Variants in BICDL2 observed in about 807,000 individuals in gnomAD.
The protein encoded by BICDL2 is BICD family like cargo adaptor 2.
In BICDL2, 62 loss-of-function variants were observed where a neutral mutation model predicts 56.6. The observed-to-expected ratio is 1.10, with a 90% CI of 0.89 to 1.35. The LOEUF (loss-of-function observed/expected upper bound fraction) is 1.35, where lower values mean the gene tolerates loss of function less well. Ranked by LOEUF, BICDL2 falls within the 40% of genes most tolerant of loss-of-function variation. The probability of loss-of-function intolerance (pLI) is 0.00; values close to 1 mark genes in which losing one functional copy is unlikely to be tolerated. For missense variants in BICDL2, 808 were observed against 684.5 expected, an observed-to-expected ratio of 1.18 and a Z score of -2.01; for synonymous variants, 358 against 319.8, an observed-to-expected ratio of 1.12 and a Z score of -1.27.
intron 2 of BICDL2, chr16:3,031,644 C>T: frequency 2.5e-6 from 1 of 403,106 alleles, no homozygotes; most frequent in Non-Finnish European, 4.4e-6. Flanking sequence ...GGGGGAATGC[C>T]CTGGCACACC....
In BICDL2 at chr16:3,028,125, T is replaced by G; in HGVS notation, c.1508A>C (p.Asn503Thr). ...CAGCCGTCAGGTCCTTCGGAAGAGG[T>G]TACTGAGAAAGCCACCGGCGGGCCC... ...GPGPAGGFLSNLFRRT is the reference protein window; with the variant it reads ...GPGPAGGFLSTLFRRT Residue 503 changes from asparagine (N) to threonine (T), a missense_variant, in exon 10 of 10, where the codon AAC becomes ACC. Asn to Thr is a moderately conservative substitution (Grantham distance 65). Transcript: ENST00000572449. The G allele has an allele frequency of 7.0e-7, 1 of 1,438,754 alleles. No homozygotes were observed. Among genetic ancestry groups the G allele is most frequent in the Non-Finnish European group, 9.1e-7 (1 of 1,102,968 alleles). 89.1% of individuals were successfully genotyped at this position (1,438,754 alleles called of 1,614,324 possible).
Position 3,030,467 on chromosome 16 carries a change from C to A in BICDL2, c.744G>T (p.Arg248=). ...AGGTCACCTCCAGGCTGTGCTCCCG[C>A]CGCTCCCGCCTCAGCAGCAGCAACT... ...HEELLLLRRE[R]REHSLELERA... Residue 248 remains arginine (R), a synonymous_variant, in exon 5 of 10, where the codon CGG becomes CGT. Coordinates refer to ENST00000572449, the MANE Select transcript of BICDL2 (RefSeq NM_001369667.1). 6.2e-7 allele frequency: 1 copy of A among 1,602,240 alleles called. No individual in the cohort carries two copies. The highest frequency in any genetic ancestry group is 8.5e-7 in the Non-Finnish European group (1 of 1,179,092).
Position 3,030,924 on chromosome 16 carries a change from G to C in BICDL2, c.498+11C>G, listed in dbSNP as rs369482705. Reference sequence around the variant, plus strand: ...ACCTTGTCCAGGGCCCTGGGGTCAGGGCCATCCCACCTGAGCCAGCTGCTG... The same window carrying C: ...ACCTTGTCCAGGGCCCTGGGGTCAGCGCCATCCCACCTGAGCCAGCTGCTG... On this transcript the variant is annotated intron_variant, in intron 3 of 9. Coordinates refer to ENST00000572449, the MANE Select transcript of BICDL2 (RefSeq NM_001369667.1). 1.3e-5 allele frequency: 20 copies of C among 1,545,632 alleles called. No individual in the cohort carries two copies. Among genetic ancestry groups the C allele is most frequent in the Non-Finnish European group, 1.7e-5 (20 of 1,151,186 alleles).
intron 5 of BICDL2, 161 bp downstream of exon 5, chr16:3,030,288 C>T: frequency 1.1e-6 from 1 of 884,140 alleles, no homozygotes; most frequent in Non-Finnish European, 1.7e-6. Context: ...ACCTGCTCAA[C>T]AGCCTTCCGT....
Position 3,035,386 on chromosome 16 carries a change from G to T in BICDL2, c.111C>A (p.Phe37Leu). ...FPFVLERRDS[F>L]LGGGPGPEEP... ...CCTCAGGCCCTGGGCCCCCTCCCAG[G>T]AATGAGTCCCGCCGCTCCAGCACAA... is the stretch of plus-strand genomic sequence containing the variant. Residue 37 changes from phenylalanine to leucine, a missense_variant, in exon 2 of 10, where the codon TTC (phenylalanine) becomes TTA (leucine). Coordinates refer to ENST00000572449, the MANE Select transcript of BICDL2 (RefSeq NM_001369667.1). 1 of 1,609,524 alleles carries T rather than the reference G, an allele frequency of 6.2e-7. No individual in the cohort carries two copies.
chr16:3,028,648 C>T, intron 8 of BICDL2, 52 bp downstream of exon 8: 1 of 1,543,806 alleles, frequency 6.5e-7, no homozygotes, highest in African/African-American at 1.4e-5. Context: ...GAATCAGGAG[C>T]CCAGGAGGGC....
chr16:3,029,602 G>A lies in BICDL2; in HGVS notation c.900C>T (p.Ala300=), dbSNP rs989691674. The change falls in exon 6 of 10, where the codon GCC becomes GCT. Residue 300 remains alanine (A), a synonymous_variant. Transcript: ENST00000572449. The stretch of plus-strand genomic sequence containing the variant: ...CCTGGTCGCCGTCGTCGAGGCTGTG[G>A]GCCAGTTCTGACTGCAACGAGGCAG... ...VSAASLQSEL[A]HSLDDGDQGQ... 6.5e-7 allele frequency: 1 copy of A among 1,543,014 alleles called. No homozygotes were observed. The highest frequency in any genetic ancestry group is 8.7e-7 in the Non-Finnish European group (1 of 1,148,032).
intron 2 of BICDL2, 39 bp downstream of exon 2, chr16:3,035,176 T>TTGGCCCGGGGG: frequency 2.2e-5 from 3 of 136,272 alleles, no homozygotes; most frequent in Non-Finnish European, 4.1e-5. Flanking sequence ...CGTCCTCCCC[T>TTGGCCCGGGGG]GCCCACCCAC....
rs760332221 is a variant in BICDL2 at position 3,028,710 on chromosome 16, C to T, written c.1228G>A (p.Ala410Thr). The change falls in exon 8 of 10, where the codon GCC (alanine) becomes ACC (threonine). Residue 410 changes from alanine (A) to threonine (T), a missense_variant. Ala to Thr is a moderately conservative substitution (Grantham distance 58). Transcript: ENST00000572449. The part of the protein sequence containing the change: ...LHSALSDRDE[A>T]VNKALELSLQ... ...TGGCTTGAGGCTTACTTGTTCACGG[C>T]CTCGTCCCGGTCTGAGAGGGCACTG... The T allele has an allele frequency of 6.4e-7, 1 of 1,569,388 alleles. No individual in the cohort carries two copies. The highest frequency in any genetic ancestry group is 8.6e-7 in the Non-Finnish European group (1 of 1,157,420).
chr16:3,036,703 A>G, intron 1 of BICDL2, 191 bp downstream of exon 1: 1 of 438,268 alleles, frequency 2.3e-6, no homozygotes, highest in Non-Finnish European at 4.5e-6. Context: ...CTCCAGCCCC[A>G]GGCGTCGGAA....
intron 1 of BICDL2, chr16:3,036,119 C>T: frequency 5.2e-6 from 2 of 381,168 alleles, no homozygotes; most frequent in South Asian, 1.9e-5. Flanking sequence ...AGGTCCCCAC[C>T]TCCAATGTCC....
Position 3,029,691 on chromosome 16 carries a change from T to G in BICDL2, c.811A>C (p.Arg271=), listed in dbSNP as rs537975527. 35 of 1,540,992 alleles carry G rather than the reference T, an allele frequency of 2.3e-5. No homozygotes were observed. The Admixed American group carries it at 5.1e-4, about 22-fold the overall frequency. ...EAGEALSALR[R]LQRRVSELEE... ...AGCTCGGAGACGCGCCGCTGCAGCCTCCGCAGCGCACTCAGCGCCTCCCCA... is the reference window on the plus strand; with the variant it reads ...AGCTCGGAGACGCGCCGCTGCAGCCGCCGCAGCGCACTCAGCGCCTCCCCA... Residue 271 remains arginine (R), a synonymous_variant, in exon 6 of 10, where the codon AGG becomes CGG. Transcript: ENST00000572449.
chr16:3,036,460 G>A (rs1386418630), intron 1 of BICDL2: 1 of 456,310 alleles, frequency 2.2e-6, no homozygotes, highest in Non-Finnish European at 4.4e-6. Flanking sequence ...CCACCCACTA[G>A]GCACACACAC....
intron 1 of BICDL2, chr16:3,035,973 G>A: frequency 6.4e-6 from 2 of 313,122 alleles, no homozygotes; most frequent in Non-Finnish European, 1.2e-5. Context: ...TGGGAACTGA[G>A]GTATCTTCGC....
intron 2 of BICDL2, chr16:3,031,517 T>A (rs1955654861): frequency 2.2e-6 from 1 of 454,802 alleles, no homozygotes; most frequent in Non-Finnish European, 3.9e-6. Flanking sequence ...ACCTGCTGTG[T>A]CCCAGGGGCT....
chr16:3,036,773 C>G, intron 1 of BICDL2, 121 bp downstream of exon 1: 1 of 357,938 alleles, frequency 2.8e-6, no homozygotes, highest in South Asian at 2.0e-5. Context: ...GCCCCCGGTT[C>G]CCCGGCGATC....
intron 1 of BICDL2, 184 bp from the exon 2 acceptor site, chr16:3,035,710 G>A (rs1168743777): frequency 1.7e-6 from 1 of 588,780 alleles, no homozygotes; most frequent in African/African-American, 1.9e-5. Flanking sequence ...GGTAAACTGA[G>A]GCAGGAAGCA....
At chr16:3,035,176 T>TTGGCCCCGGGGGGGGGGGG in intron 2 of BICDL2, 39 bp downstream of exon 2, 1 of 136,274 alleles carries the variant, frequency 7.3e-6, no homozygotes, top group Non-Finnish European at 1.4e-5. Flanking sequence ...CGTCCTCCCC[T>TTGGCCCCGGGGGGGGGGGG]GCCCACCCAC....
intron 7 of BICDL2, 76 bp downstream of exon 7, chr16:3,029,204 G>T: frequency 1.3e-6 from 2 of 1,537,480 alleles, no homozygotes; most frequent in South Asian, 1.2e-5. Context: ...GTGGGCAAAG[G>T]CTGGGAGGTG....
Sources: allele counts gnomAD v4.1 joint callset, GRCh38; gene constraint gnomAD v4.1.1; transcripts MANE v1.5; gene names NCBI Gene and HGNC (gene_info 2026-07-23, HGNC 2026-07-21).